Variants in ADCY9 observed in about 807,000 individuals in gnomAD.
ADCY9 encodes adenylate cyclase 9.
In ADCY9, 50 loss-of-function variants were observed where a neutral mutation model predicts 101.5. The ratio of observed to expected loss-of-function variants is 0.49; its 90% confidence interval spans 0.39 to 0.62. ADCY9 has a LOEUF of 0.62. Among genes scored for constraint, ADCY9 ranks in the 20% least tolerant of loss-of-function variants. The pLI, the probability that ADCY9 is intolerant of heterozygous loss-of-function variation, is 0.00. For synonymous variants in ADCY9, 905 were observed against 769.3 expected (o/e 1.18, Z -2.92); for missense variants, 1,662 against 1,800.4 (o/e 0.92, Z 1.39).
chr16:3,975,295 T>G (rs535042653), intron 9 of ADCY9, among the ~76,000 whole-genome samples: 2 of 150,722 alleles, frequency 1.3e-5, no homozygotes, highest in East Asian at 1.9e-4. Context: ...TTATTTTGCT[T>G]AATCTATTCA....
At chr16:3,984,919 G>A (rs1464258079) in intron 6 of ADCY9, among the ~76,000 whole-genome samples, 1 of 152,194 alleles carries the variant, frequency 6.6e-6, no homozygotes, top group Non-Finnish European at 1.5e-5. Flanking sequence ...AACTAGGTGG[G>A]AGGGCAGGAG....
chr16:3,989,533 C>T (rs984219448), intron 5 of ADCY9, among the ~76,000 whole-genome samples: 4 of 152,138 alleles, frequency 2.6e-5, no homozygotes, highest in Admixed American at 6.5e-5. Flanking sequence ...CGCCTGCCAC[C>T]GCACCCAGCT....
Position 4,115,122 on chromosome 16 carries a change from G to C in ADCY9, c.321C>G (p.Arg107=), listed in dbSNP as rs2057141031. 6.2e-7 allele frequency: 1 copy of C among 1,613,766 alleles called. No homozygotes were observed. The change falls in exon 2 of 11, where the codon CGC becomes CGG. Residue 107 remains arginine, a synonymous_variant. Transcript: ENST00000294016. This position sits in a 1 kb window ranked among gnomAD's most constrained non-coding sequence, Gnocchi z 6.2. ...SVNLEEACLE[R]CFPQTQRRFR... is the part of the protein sequence containing the mutation. ...ACCGGCGCTGGGTCTGCGGGAAGCA[G>C]CGCTCCAGGCAGGCCTCCTCCAGGT... is the stretch of plus-strand genomic sequence containing the variant.
At chr16:4,021,523 G>T (rs1567441195) in intron 2 of ADCY9, among the ~76,000 whole-genome samples, 1 of 152,144 alleles carries the variant, frequency 6.6e-6, no homozygotes. Flanking sequence ...AAGTCTGTGT[G>T]AGCACACTGT....
chr16:3,969,106 G>C (rs1448776576), intron 10 of ADCY9, among the ~76,000 whole-genome samples: 9 of 152,126 alleles, frequency 5.9e-5, no homozygotes, highest in African/African-American at 2.2e-4. Context: ...TCACAGGCGT[G>C]AGCCACCGCG....
chr16:4,113,175 A>T (rs1052739012), intron 2 of ADCY9, among the ~76,000 whole-genome samples: 11 of 151,706 alleles, frequency 7.3e-5, no homozygotes, highest in African/African-American at 9.7e-5. Context: ...CTTTTTTTAA[A>T]AAAAAAAAAA....
At chr16:4,037,853 C>A (rs1042495078) in intron 2 of ADCY9, among the ~76,000 whole-genome samples, 2 of 152,160 alleles carry the variant, frequency 1.3e-5, no homozygotes, top group African/African-American at 2.4e-5. Flanking sequence ...AGACGTGAGG[C>A]CTATCAGCTG....
chr16:4,044,967 G>A (rs2056653007), intron 2 of ADCY9, among the ~76,000 whole-genome samples: 1 of 152,172 alleles, frequency 6.6e-6, no homozygotes, highest in African/African-American at 2.4e-5. Context: ...ATGAGGCTGT[G>A]CTGGCTCGGT....
chr16:4,053,808 G>C lies in ADCY9; in HGVS notation c.1694-46250C>G, dbSNP rs534137459. Among the ~76,000 whole-genome samples, 6 of 152,180 alleles carry C rather than the reference G, an allele frequency of 3.9e-5. No individual in the cohort carries two copies. In the East Asian group the frequency reaches 9.6e-4, roughly 24 times the overall value. ...CTTCAAAAGTTATTTGCCTCGGAGAGCTCCCAGACGACTCTTTCTCGGTAA... is the reference window on the plus strand; with the variant it reads ...CTTCAAAAGTTATTTGCCTCGGAGACCTCCCAGACGACTCTTTCTCGGTAA... On this transcript the variant is annotated intron_variant, in intron 2 of 10. Coordinates refer to ENST00000294016, the MANE Select transcript of ADCY9 (RefSeq NM_001116.4).
At chr16:4,010,409 G>A (rs549091183) in intron 2 of ADCY9, among the ~76,000 whole-genome samples, 311 of 152,372 alleles carry the variant, frequency 2.0e-3, no homozygotes, top group African/African-American at 6.7e-3. Context: ...GGGGAGCACG[G>A]AGTGGCAGCG....
intron 3 of ADCY9, among the ~76,000 whole-genome samples, chr16:4,003,354 T>C (rs1302904863): frequency 6.6e-6 from 1 of 152,120 alleles, no homozygotes; most frequent in Non-Finnish European, 1.5e-5. Flanking sequence ...CAGTCCTCCA[T>C]GGCTCCGTCT....
In ADCY9 at chr16:4,114,456, G is replaced by A. The variant is rs749049108; in HGVS notation, c.987C>T (p.Leu329=). ...HGKDLEVEKA[L]KERMIHSVMP... is the part of the protein sequence containing the mutation. ...TCACGGAATGAATCATCCTCTCTTT[G>A]AGGGCTTTTTCCACTTCCAGGTCCT... is the stretch of plus-strand genomic sequence containing the variant. Residue 329 remains leucine, a synonymous_variant, in exon 2 of 11, where the codon CTC becomes CTT. Transcript: ENST00000294016. This position sits in a 1 kb window ranked among gnomAD's most constrained non-coding sequence, Gnocchi z 4.3. The A allele has an allele frequency of 4.3e-6, 7 of 1,614,082 alleles. No individual in the cohort carries two copies. The South Asian group carries it at 5.5e-5, about 13-fold the overall frequency.
Position 4,114,588 on chromosome 16 carries a change from C to G in ADCY9, c.855G>C (p.Gly285=), listed in dbSNP as rs760769257. 1.9e-6 allele frequency: 3 copies of G among 1,613,924 alleles called. No homozygotes were observed. The highest frequency in any genetic ancestry group is 2.5e-6 in the Non-Finnish European group (3 of 1,180,040). ...TGGCGTGGATGCAGCCGTGGAGCAG[C>G]CCCCTGCTCAGCAGCTCCCAGTGCA... ...GALHWELLSR[G]LLHGCIHAIG... Residue 285 remains glycine, a synonymous_variant, in exon 2 of 11, where the codon GGG becomes GGC. Coordinates refer to ENST00000294016, the MANE Select transcript of ADCY9 (RefSeq NM_001116.4). This position sits in a 1 kb window ranked among gnomAD's most constrained non-coding sequence, Gnocchi z 4.3.
intron 3 of ADCY9, among the ~76,000 whole-genome samples, chr16:3,998,773 GAAAA>G (rs2056309398): frequency 8.7e-5 from 2 of 22,858 alleles, no homozygotes; most frequent in African/African-American, 2.4e-4. Context: ...GAAAAGAAAA[GAAAA>G]GAAAAGAAAA....
intron 2 of ADCY9, among the ~76,000 whole-genome samples, chr16:4,018,951 T>TTGTGTGTGTGTGTGTGTGTGTGCG (rs58093859): frequency 1.4e-5 from 2 of 138,834 alleles, no homozygotes; most frequent in East Asian, 4.2e-4. Context: ...AGAATCGCAG[T>TTGTGTGTGTGTGTGTGTGTGTGCG]TGTGTGTGTG....
intron 2 of ADCY9, among the ~76,000 whole-genome samples, chr16:4,100,334 G>A (rs2057034425): frequency 6.6e-6 from 1 of 151,906 alleles, no homozygotes; most frequent in African/African-American, 2.4e-5. Flanking sequence ...CATCTTTTTT[G>A]TTTGTTTGTT....
At chr16:4,059,285 G>A (rs1457082592) in intron 2 of ADCY9, among the ~76,000 whole-genome samples, 1 of 150,690 alleles carries the variant, frequency 6.6e-6, no homozygotes, top group Non-Finnish European at 1.5e-5. Flanking sequence ...GGAGGCTGAG[G>A]CAGGAGAAGT....
intron 5 of ADCY9, among the ~76,000 whole-genome samples, chr16:3,956,656 A>AG (rs1198685810): frequency 1.7e-5 from 2 of 120,478 alleles, no homozygotes; most frequent in African/African-American, 5.2e-5. Flanking sequence ...ACACCTGGCT[A>AG]ATTTTTTTTT....
At position 4,031,063 on chromosome 16, in the gene ADCY9, C is replaced by A. The variant is rs1031585555; in HGVS notation, c.1694-23505G>T. 7.9e-5 allele frequency among the ~76,000 whole-genome samples: 12 copies of A among 152,168 alleles called. 1 individual carries two copies. Among genetic ancestry groups the A allele is most frequent in the African/African-American group, 1.9e-4 (8 of 41,420 alleles). ...TGTTCTAGATCTAGATCTTGAGTGT[C>A]CTCTTTTAGGAAAAGATCATCCCTG... On this transcript the variant is annotated intron_variant, in intron 2 of 10. Transcript: ENST00000294016.
Sources: allele counts gnomAD v4.1 joint callset (sites outside exome capture counted in the v4.1 genomes callset), GRCh38; gene constraint gnomAD v4.1.1; non-coding constraint Gnocchi (gnomAD v3.1); transcripts MANE v1.5; gene names NCBI Gene and HGNC (gene_info 2026-07-23, HGNC 2026-07-21).